Variants in LRRC7 observed in about 807,000 individuals in gnomAD.
LRRC7 encodes the protein leucine-rich repeat-containing protein 7.
Under a neutral mutation model 175.7 loss-of-function variants are expected in LRRC7, and 23 were observed. That is an observed-to-expected ratio of 0.13 (90% CI 0.09 to 0.19). The LOEUF (loss-of-function observed/expected upper bound fraction) is 0.19. LRRC7 is among the 10% of genes least tolerant of loss of function. The probability of loss-of-function intolerance (pLI) is 1.00; values close to 1 mark genes in which losing one functional copy is unlikely to be tolerated. For synonymous variants in LRRC7, 685 were observed against 680.9 expected, an observed-to-expected ratio of 1.01 and a Z score of -0.09; for missense variants, 1,354 against 1,904.7, an observed-to-expected ratio of 0.71 and a Z score of 5.38.
chr1:70,036,395 G>A (rs1571118165), intron 19 of LRRC7, 49 bp from the exon 20 acceptor site: 1 of 1,539,780 alleles, frequency 6.5e-7, no homozygotes, highest in African/African-American at 1.4e-5. Flanking sequence ...GCTTTTCCGT[G>A]TAATTGTCAG....
chr1:69,676,806 G>A (rs1441189089), intron 1 of LRRC7, among the ~76,000 whole-genome samples: 1 of 151,920 alleles, frequency 6.6e-6, no homozygotes, highest in African/African-American at 2.4e-5. Context: ...AATAGCTTTA[G>A]GGGTACAAGT....
chr1:69,731,135 T>C (rs1280585830), intron 2 of LRRC7, among the ~76,000 whole-genome samples: 1 of 151,534 alleles, frequency 6.6e-6, no homozygotes, highest in Non-Finnish European at 1.5e-5. Context: ...ACCCCATCTC[T>C]ACTAAAAATA....
At chr1:69,902,636 A>G (rs1646168669) in intron 7 of LRRC7, among the ~76,000 whole-genome samples, 1 of 152,208 alleles carries the variant, frequency 6.6e-6, no homozygotes, top group South Asian at 2.1e-4. Context: ...GTATAGTACA[A>G]AAGTAAAGAG....
chr1:69,629,162 C>G (rs1242025912), intron 1 of LRRC7, among the ~76,000 whole-genome samples: 1 of 151,904 alleles, frequency 6.6e-6, no homozygotes, highest in Non-Finnish European at 1.5e-5. Context: ...GAGAAACTGT[C>G]AAGAGAATTA....
chr1:70,099,802 G>A (rs969372564), intron 25 of LRRC7, among the ~76,000 whole-genome samples: 14 of 152,062 alleles, frequency 9.2e-5, no homozygotes. Context: ...AGCCATTAGG[G>A]ACTCTGACTG....
intron 7 of LRRC7, among the ~76,000 whole-genome samples, chr1:69,901,587 A>T (rs971810372): frequency 5.9e-5 from 9 of 152,164 alleles, no homozygotes; most frequent in African/African-American, 2.2e-4. Context: ...CTGTAGCCTG[A>T]TAGGGAAATA....
chr1:69,892,297 G>A lies in LRRC7; in HGVS notation c.648-39210G>A, dbSNP rs369882993. 2.8e-4 allele frequency among the ~76,000 whole-genome samples: 42 copies of A among 152,256 alleles called. No individual in the cohort carries two copies. In the South Asian group the frequency reaches 4.1e-3, roughly 15 times the overall value. On this transcript the variant is annotated intron_variant, in intron 7 of 26. Transcript: ENST00000651989. The stretch of plus-strand genomic sequence containing the variant: ...GGGAAGTAAGTTAAAAACAGTGGTA[G>A]AAATAAAAGTGGAAAGGTAGGGTGA...
At chr1:69,687,052 T>G (rs1410061858) in intron 2 of LRRC7, among the ~76,000 whole-genome samples, 2 of 152,156 alleles carry the variant, frequency 1.3e-5, no homozygotes, top group East Asian at 3.8e-4. Context: ...TGAAATTGTA[T>G]GTATTCGATT....
chr1:69,638,075 A>G (rs1336084367), intron 1 of LRRC7, among the ~76,000 whole-genome samples: 1 of 151,886 alleles, frequency 6.6e-6, no homozygotes, highest in African/African-American at 2.4e-5. Context: ...TTACAGAATT[A>G]TCTTTCAGAA....
intron 4 of LRRC7, among the ~76,000 whole-genome samples, chr1:69,824,227 G>A (rs1244559200): frequency 1.3e-5 from 2 of 152,116 alleles, no homozygotes; most frequent in South Asian, 2.1e-4. Context: ...AGATTGGAGA[G>A]TGAACAGAAA....
chr1:69,792,810 T>G (rs114174396), intron 4 of LRRC7, among the ~76,000 whole-genome samples: 1,952 of 152,210 alleles, frequency 0.013, 34 homozygotes, highest in African/African-American at 0.044. Flanking sequence ...ATGATGATGC[T>G]GATGTTGATA....
chr1:69,778,987 C>G (rs560433314), intron 3 of LRRC7, among the ~76,000 whole-genome samples: 1 of 149,758 alleles, frequency 6.7e-6, no homozygotes, highest in East Asian at 2.0e-4. Flanking sequence ...CACACACACT[C>G]ATATATATAC....
chr1:70,061,553 C>T (rs1661577866), intron 23 of LRRC7, among the ~76,000 whole-genome samples: 1 of 152,066 alleles, frequency 6.6e-6, no homozygotes, highest in African/African-American at 2.4e-5. Context: ...AGTGAAAGGC[C>T]AGATTGATTA....
At chr1:70,089,231 CAAAG>C (rs1663842252) in intron 24 of LRRC7, among the ~76,000 whole-genome samples, 1 of 152,054 alleles carries the variant, frequency 6.6e-6, no homozygotes, top group Non-Finnish European at 1.5e-5. Context: ...TATTCCTAAA[CAAAG>C]AATTATCTAA....
chr1:70,117,181 C>T (rs1335096308), intron 26 of LRRC7, among the ~76,000 whole-genome samples: 1 of 152,164 alleles, frequency 6.6e-6, no homozygotes, highest in Non-Finnish European at 1.5e-5. Context: ...TTAAAATGAA[C>T]TGTGCTGTCC....
At chr1:70,024,299 T>C (rs1657846950) in intron 17 of LRRC7, among the ~76,000 whole-genome samples, 1 of 150,626 alleles carries the variant, frequency 6.6e-6, no homozygotes, top group Admixed American at 6.6e-5. Context: ...TTATATTACA[T>C]AATATATTAT....
At chr1:69,647,024 A>AG (rs371581823) in intron 1 of LRRC7, among the ~76,000 whole-genome samples, 1 of 152,136 alleles carries the variant, frequency 6.6e-6, no homozygotes, top group Non-Finnish European at 1.5e-5. Context: ...AGAAAAAAAA[A>AG]TGTCATAGTA....
At position 69,983,957 on chromosome 1, in the gene LRRC7, G is replaced by A. The variant is rs150001136; in HGVS notation, c.787-2285G>A. Among the ~76,000 whole-genome samples the A allele has an allele frequency of 2.9e-3, 443 of 151,810 alleles. 1 individual carries two copies. Among genetic ancestry groups the A allele is most frequent in the African/African-American group, 9.6e-3 (397 of 41,408 alleles). The stretch of plus-strand genomic sequence containing the variant: ...ACTTTTTTTTTTTGGATGGAGTCTC[G>A]CTCTGTTGCCCAGGCTGGAGTTCAG... On this transcript the variant is annotated intron_variant, in intron 9 of 26. Transcript: ENST00000651989.
intron 3 of LRRC7, among the ~76,000 whole-genome samples, chr1:69,770,673 T>A (rs1232506381): frequency 1.3e-5 from 2 of 152,158 alleles, no homozygotes; most frequent in African/African-American, 4.8e-5. Flanking sequence ...AACAAAAAAA[T>A]TGCCACTTGT....
Sources: gnomAD v4.1 joint callset for allele counts (sites outside exome capture counted in the v4.1 genomes callset) on GRCh38, gnomAD v4.1.1 for gene constraint, MANE v1.5 for transcripts, NCBI Gene and HGNC (gene_info 2026-07-23, HGNC 2026-07-21) for gene names.